The following NLRC5 variants were observed in gnomAD, a reference collection of about 807,000 sequenced individuals.
The protein encoded by NLRC5 is protein NLRC5.
A neutral mutation model predicts 206.9 loss-of-function variants in NLRC5; 114 were observed. The ratio of observed to expected loss-of-function variants is 0.55; its 90% confidence interval spans 0.47 to 0.64. The LOEUF (loss-of-function observed/expected upper bound fraction) is 0.64. Ranked by LOEUF, NLRC5 falls within the 30% of genes least tolerant of loss-of-function variation. NLRC5 has a pLI of 0.00. For missense variants in NLRC5, 2,008 were observed against 2,305.5 expected, an observed-to-expected ratio of 0.87 and a Z score of 2.64; for synonymous variants, 952 against 962.8, an observed-to-expected ratio of 0.99 and a Z score of 0.21.
At chr16:57,059,174 T>A in intron 29 of NLRC5, 113 bp downstream of exon 29, 1 of 1,591,544 alleles carries the variant, frequency 6.3e-7, no homozygotes, top group Non-Finnish European at 8.6e-7. Flanking sequence ...CTGGGTGGCT[T>A]GGAGCAACCT....
In NLRC5 at chr16:57,043,491, T is replaced by C. The variant is rs866799284; in HGVS notation, c.3114-24T>C. The C allele has an allele frequency of 2.3e-5, 36 of 1,593,240 alleles. No individual in the cohort carries two copies. The Middle Eastern group carries it at 9.9e-4, about 44-fold the overall frequency. ...GTGTTTGGGTCCTGAGTGACCTCCA[T>C]TGTGCCACCCCTGTGATCTCCAGCC... On this transcript the variant is annotated intron_variant, in intron 19 of 48. Transcript: ENST00000688547.
At chr16:57,054,900 G>A in intron 25 of NLRC5, 60 bp downstream of exon 25, 2 of 1,582,584 alleles carry the variant, frequency 1.3e-6, no homozygotes, top group Non-Finnish European at 1.7e-6. Context: ...GGAGTCTGGT[G>A]GGTATGAGGG....
intron 19 of NLRC5, 46 bp downstream of exon 19, chr16:57,042,111 G>C (rs763204953): frequency 1.4e-5 from 18 of 1,269,202 alleles, no homozygotes; most frequent in Non-Finnish European, 1.9e-5. Context: ...GGCAGGGGGG[G>C]AGCATTCTCT....
At chr16:57,068,678 GA>G (rs1322556683) in intron 36 of NLRC5, among the ~76,000 whole-genome samples, 1 of 152,178 alleles carries the variant, frequency 6.6e-6, no homozygotes, top group African/African-American at 2.4e-5. Context: ...ATGTGACATT[GA>G]TACACTACTA....
rs2057988666 is a variant in NLRC5 at position 56,999,294 on chromosome 16, C to A, written c.-128+9677C>A. On this transcript the variant is annotated intron_variant, in intron 1 of 48. Coordinates refer to ENST00000688547, the MANE Select transcript of NLRC5 (RefSeq NM_001384950.1). Reference sequence around the variant, plus strand: ...AGTCGATCACATTGTGTATTCTGGGCCCCAAGGCTGTCCATTTTGCTTTCT... The same window carrying A: ...AGTCGATCACATTGTGTATTCTGGGACCCAAGGCTGTCCATTTTGCTTTCT... Among the ~76,000 whole-genome samples, 3 of 152,220 alleles carry A rather than the reference C, an allele frequency of 2.0e-5. No homozygotes were observed. In the South Asian group the frequency reaches 6.2e-4, roughly 32 times the overall value.
intron 1 of NLRC5, among the ~76,000 whole-genome samples, chr16:57,001,368 C>T (rs1405094902): frequency 6.6e-6 from 1 of 152,170 alleles, no homozygotes; most frequent in Non-Finnish European, 1.5e-5. Context: ...TCTTGTTTCC[C>T]CTCCATCCCA....
At chr16:57,017,517 G>T (rs1293884483) in intron 2 of NLRC5, among the ~76,000 whole-genome samples, 2 of 152,150 alleles carry the variant, frequency 1.3e-5, no homozygotes, top group East Asian at 3.8e-4. Flanking sequence ...ACCCTCCAAA[G>T]TCCCAGTGAC....
At chr16:57,049,535 A>T (rs2064541328) in intron 23 of NLRC5, among the ~76,000 whole-genome samples, 1 of 151,934 alleles carries the variant, frequency 6.6e-6, no homozygotes. Flanking sequence ...CAGGAGTTCG[A>T]GACTAGCCTG....
At chr16:57,068,998 G>A (rs990319104) in intron 36 of NLRC5, among the ~76,000 whole-genome samples, 37 of 152,208 alleles carry the variant, frequency 2.4e-4, no homozygotes, top group Admixed American at 1.0e-3. Context: ...CTGTGTTATC[G>A]TGCCTTCCAT....
Position 57,025,721 on chromosome 16 carries a change from G to T in NLRC5, c.778G>T (p.Glu260Ter). ...CTGTTTCCAGGCCCTGTTCCTTTTT[G>T]AATTCCGCCAGCTCAACTTGATCAC... ...LNCFQALFLF[E>*]FRQLNLITRF... Residue 260 changes from glutamate (E) to a stop codon, truncating the protein, a stop_gained, in exon 6 of 49, where the codon GAA becomes TAA. Transcript: ENST00000688547. LOFTEE classifies it high-confidence loss of function. The T allele has an allele frequency of 6.2e-7, 1 of 1,614,156 alleles. No individual in the cohort carries two copies. Among genetic ancestry groups the T allele is most frequent in the Non-Finnish European group, 8.5e-7 (1 of 1,180,030 alleles).
Position 57,026,343 on chromosome 16 carries a change from G to T in NLRC5, c.1400G>T (p.Gly467Val), listed in dbSNP as rs200312421. The T allele has an allele frequency of 8.7e-6, 14 of 1,613,854 alleles. No homozygotes were observed. Among genetic ancestry groups the T allele is most frequent in the Middle Eastern group, 1.6e-4 (1 of 6,084 alleles). ...LLDLGEVALR[G>V]LETGKVIFYA... ...GACCTGGGGGAGGTGGCCCTGAGGG[G>T]CCTGGAGACAGGGAAGGTTATCTTC... Residue 467 changes from glycine to valine, a missense_variant, in exon 6 of 49, where the codon GGC becomes GTC. Gly to Val is a moderately radical substitution (Grantham distance 109, BLOSUM62 -3). Transcript: ENST00000688547.
intron 32 of NLRC5, 23 bp from the exon 33 acceptor site, chr16:57,065,189 A>G (rs1489270329): frequency 2.6e-5 from 39 of 1,472,260 alleles, no homozygotes; most frequent in Non-Finnish European, 3.5e-5. Flanking sequence ...GGGGGGCCTT[A>G]TCTGTGTCCC....
In NLRC5 at chr16:57,025,687, C is replaced by A. The variant is rs1301842231; in HGVS notation, c.744C>A (p.Gly248=). Residue 248 remains glycine (G), a synonymous_variant, in exon 6 of 49, where the codon GGC becomes GGA. Transcript: ENST00000688547. The stretch of plus-strand genomic sequence containing the variant: ...GGCTCTGCCAGAAGTGGGCAGAGGG[C>A]CATCTGAACTGTTTCCAGGCCCTGT... ...AHRLCQKWAE[G]HLNCFQALFL... is the part of the protein sequence containing the mutation. 1.9e-6 allele frequency: 3 copies of A among 1,614,206 alleles called. No individual in the cohort carries two copies. The highest frequency in any genetic ancestry group is 2.5e-6 in the Non-Finnish European group (3 of 1,180,024).
intron 1 of NLRC5, among the ~76,000 whole-genome samples, chr16:56,996,258 G>A (rs1474674864): frequency 1.3e-5 from 2 of 152,074 alleles, no homozygotes; most frequent in African/African-American, 4.8e-5. Flanking sequence ...GTTTCCTGCA[G>A]CCTCTATTTC....
chr16:57,073,986 C>T (rs1421988902), intron 38 of NLRC5, among the ~76,000 whole-genome samples: 1 of 152,236 alleles, frequency 6.6e-6, no homozygotes, highest in Non-Finnish European at 1.5e-5. Context: ...AGAGCAATCT[C>T]CCCTGCTACG....
chr16:57,025,737 AC>A lies in NLRC5; in HGVS notation c.795del (p.Leu266Ter). 6.2e-7 allele frequency: 1 copy of A among 1,614,210 alleles called. No homozygotes were observed. Among genetic ancestry groups the A allele is most frequent in the Non-Finnish European group, 8.5e-7 (1 of 1,180,020 alleles). On this transcript the variant is annotated frameshift_variant, in exon 6 of 49. Coordinates refer to ENST00000688547, the MANE Select transcript of NLRC5 (RefSeq NM_001384950.1). LOFTEE classifies it high-confidence loss of function. ...ALFLFEFRQL[N>X]LITRFLTPSE... ...TTCCTTTTTGAATTCCGCCAGCTCA[AC>A]TTGATCACGAGGTTCCTGACACCGT...
At chr16:57,018,769 G>C (rs555885786) in intron 2 of NLRC5, among the ~76,000 whole-genome samples, 1 of 152,320 alleles carries the variant, frequency 6.6e-6, no homozygotes, top group South Asian at 2.1e-4. Context: ...CACAGTGAGT[G>C]CTTTCCAAGT....
At chr16:57,055,366 C>G in intron 26 of NLRC5, 67 bp from the exon 27 acceptor site, 1 of 1,476,754 alleles carries the variant, frequency 6.8e-7, no homozygotes, top group Admixed American at 1.8e-5. Context: ...CCTGGGCTAG[C>G]CAGGCCGGAG....
At chr16:57,082,017 A>C (rs1236426144) in intron 48 of NLRC5, among the ~76,000 whole-genome samples, 1 of 152,230 alleles carries the variant, frequency 6.6e-6, no homozygotes, top group Non-Finnish European at 1.5e-5. Flanking sequence ...AGGGCATTAA[A>C]CCTAAGGGGC....
Sources: gnomAD v4.1 joint callset for allele counts (sites outside exome capture counted in the v4.1 genomes callset) on GRCh38, gnomAD v4.1.1 for gene constraint, MANE v1.5 for transcripts, NCBI Gene and HGNC (gene_info 2026-07-23, HGNC 2026-07-21) for gene names.